Variants in PCDHAC1 observed in about 807,000 individuals in gnomAD.
PCDHAC1 encodes protocadherin alpha-C1.
A neutral mutation model predicts 60.0 loss-of-function variants in PCDHAC1; 42 were observed. The ratio of observed to expected loss-of-function variants is 0.70; its 90% CI spans 0.55 to 0.90. PCDHAC1 has a LOEUF of 0.90. PCDHAC1 is among the 40% of genes least tolerant of loss of function. The probability of loss-of-function intolerance (pLI) is 0.00; values close to 1 mark genes in which losing one functional copy is unlikely to be tolerated. For missense variants in PCDHAC1, 1,160 were observed against 1,222.3 expected (o/e 0.95, Z 0.76); for synonymous variants, 468 against 499.3 (o/e 0.94, Z 0.84).
At chr5:140,945,200 A>G (rs2093757745) in intron 1 of PCDHAC1, among the ~76,000 whole-genome samples, 1 of 152,168 alleles carries the variant, frequency 6.6e-6, no homozygotes, top group South Asian at 2.1e-4. Context: ...GCTATTTACA[A>G]TAGCTATGAG....
At chr5:140,987,588 A>G (rs1479484790) in intron 3 of PCDHAC1, among the ~76,000 whole-genome samples, 1 of 152,220 alleles carries the variant, frequency 6.6e-6, no homozygotes, top group Non-Finnish European at 1.5e-5. Flanking sequence ...TGGGGAGAAT[A>G]GTGGTGTCTA....
chr5:140,989,253 G>C (rs886150768), intron 3 of PCDHAC1, among the ~76,000 whole-genome samples: 1 of 152,194 alleles, frequency 6.6e-6, no homozygotes, highest in Non-Finnish European at 1.5e-5. Flanking sequence ...CTTGTCAAAA[G>C]GGAGATTCAA....
chr5:140,987,882 T>G (rs942974119), intron 3 of PCDHAC1, among the ~76,000 whole-genome samples: 2 of 152,158 alleles, frequency 1.3e-5, no homozygotes, highest in Non-Finnish European at 2.9e-5. Flanking sequence ...ATGGACAGTT[T>G]ATGTGCCCTA....
chr5:141,005,463 G>A (rs2098214977), intron 3 of PCDHAC1, among the ~76,000 whole-genome samples: 1 of 151,944 alleles, frequency 6.6e-6, no homozygotes. Context: ...CAGCACTTTG[G>A]GAGGCCGAGA....
chr5:140,963,238 A>G (rs1347398946), intron 1 of PCDHAC1, among the ~76,000 whole-genome samples: 1 of 152,090 alleles, frequency 6.6e-6, no homozygotes, highest in Non-Finnish European at 1.5e-5. Context: ...TGTTTGATGG[A>G]TTAGGTAGGT....
At chr5:140,933,651 C>G (rs2089301034) in intron 1 of PCDHAC1, among the ~76,000 whole-genome samples, 1 of 151,824 alleles carries the variant, frequency 6.6e-6, no homozygotes, top group South Asian at 2.1e-4. Flanking sequence ...GTTGGAAATC[C>G]TGTCTCTCTC....
intron 1 of PCDHAC1, chr5:140,966,707 A>G (rs539562297): frequency 7.2e-7 from 1 of 1,379,868 alleles, no homozygotes; most frequent in Admixed American, 3.5e-5. Context: ...GGCGTGGGGC[A>G]CGGCTGGGGA....
At chr5:140,964,383 G>A (rs543441248) in intron 1 of PCDHAC1, among the ~76,000 whole-genome samples, 1 of 152,142 alleles carries the variant, frequency 6.6e-6, no homozygotes, top group Non-Finnish European at 1.5e-5. Context: ...GAGAGTCCTG[G>A]TTTTTCTCCC....
chr5:140,928,453 T>C lies in PCDHAC1; in HGVS notation c.1561T>C (p.Phe521Leu). The C allele has an allele frequency of 6.2e-7, 1 of 1,613,888 alleles. No individual in the cohort carries two copies. The highest frequency in any genetic ancestry group is 8.5e-7 in the Non-Finnish European group (1 of 1,179,966). ...CTTTGACTTTGAGCAGCTCAGGGGG[T>C]TTCATTTCCAAGTAGAAGGCCGGGA... The part of the protein sequence containing the change: ...TSFDFEQLRG[F>L]HFQVEGRDGG... The change falls in exon 1 of 4, where the codon TTT becomes CTT. Residue 521 changes from phenylalanine to leucine, a missense_variant. Physicochemically the swap from Phe to Leu is conservative, Grantham distance 22. This residue lies in a region of PCDHAC1 where 1,113 missense variants were observed against 1,163.7 expected (regional missense o/e 0.96). Transcript: ENST00000253807.
At chr5:140,940,600 G>A (rs576348550) in intron 1 of PCDHAC1, among the ~76,000 whole-genome samples, 36 of 152,074 alleles carry the variant, frequency 2.4e-4, no homozygotes, top group African/African-American at 8.4e-4. Flanking sequence ...GGCATGAGCC[G>A]CTGCTCCTGG....
At chr5:140,960,680 G>A (rs192174088) in intron 1 of PCDHAC1, among the ~76,000 whole-genome samples, 2 of 152,162 alleles carry the variant, frequency 1.3e-5, no homozygotes, top group African/African-American at 4.8e-5. Context: ...AAACCTACTT[G>A]GGAATGAGGG....
chr5:140,975,056 A>C (rs1006106436), intron 1 of PCDHAC1, among the ~76,000 whole-genome samples: 1 of 152,154 alleles, frequency 6.6e-6, no homozygotes, highest in Non-Finnish European at 1.5e-5. Flanking sequence ...AGAATCTACT[A>C]TCGAGCTCAT....
At chr5:140,937,890 C>G (rs1209951664) in intron 1 of PCDHAC1, among the ~76,000 whole-genome samples, 1 of 145,964 alleles carries the variant, frequency 6.9e-6, no homozygotes, top group Non-Finnish European at 1.5e-5. Flanking sequence ...CCAGCCTGGG[C>G]GACAGAGTGA....
chr5:140,928,707 C>T lies in PCDHAC1; in HGVS notation c.1815C>T (p.Asp605=). 6.2e-7 allele frequency: 1 copy of T among 1,614,184 alleles called. No individual in the cohort carries two copies. Among genetic ancestry groups the T allele is most frequent in the South Asian group, 1.1e-5 (1 of 91,088 alleles). The change falls in exon 1 of 4, where the codon GAC becomes GAT. Residue 605 remains aspartate, a synonymous_variant. Transcript: ENST00000253807. ...CCTACCACATCTCCCGGGCGTCTGACTCTAGTCTCTTTAGAATTTCAGCCA... is the reference window on the plus strand; with the variant it reads ...CCTACCACATCTCCCGGGCGTCTGATTCTAGTCTCTTTAGAATTTCAGCCA... ...WLSYHISRAS[D]SSLFRISANI...
chr5:140,936,820 T>C (rs2091164037), intron 1 of PCDHAC1, among the ~76,000 whole-genome samples: 1 of 152,236 alleles, frequency 6.6e-6, no homozygotes, highest in Non-Finnish European at 1.5e-5. Flanking sequence ...TTTTTGGCCC[T>C]TTGCATTTCT....
At chr5:141,008,440 A>T (rs545076432) in intron 3 of PCDHAC1, among the ~76,000 whole-genome samples, 196 of 152,294 alleles carry the variant, frequency 1.3e-3, no homozygotes, top group South Asian at 8.7e-3. Flanking sequence ...GCCCAGACAG[A>T]CCATTACCCT....
At chr5:140,944,291 G>A (rs155813) in intron 1 of PCDHAC1, among the ~76,000 whole-genome samples, 48,239 of 151,966 alleles carry the variant, frequency 0.32, 8,008 homozygotes, top group East Asian at 0.53. Flanking sequence ...GGGCTCAAGC[G>A]ATCCTCCTAC....
chr5:140,933,937 T>A (rs1369497002), intron 1 of PCDHAC1, among the ~76,000 whole-genome samples: 1 of 152,082 alleles, frequency 6.6e-6, no homozygotes. Context: ...GTGACTTTTT[T>A]TCACATCTGC....
At chr5:140,987,963 T>C (rs2097275753) in intron 3 of PCDHAC1, among the ~76,000 whole-genome samples, 1 of 152,190 alleles carries the variant, frequency 6.6e-6, no homozygotes, top group Non-Finnish European at 1.5e-5. Context: ...CAACTCCCCA[T>C]GGAAAGACTC....
Sources: allele counts gnomAD v4.1 joint callset (sites outside exome capture counted in the v4.1 genomes callset), GRCh38; gene constraint gnomAD v4.1.1; regional missense constraint gnomAD v4.1.1; transcripts MANE v1.5; gene names NCBI Gene and HGNC (gene_info 2026-07-23, HGNC 2026-07-21).